BBS9: variants seen among roughly 807,000 people sequenced by gnomAD.
BBS9 encodes the protein Bardet-Biedl syndrome 9.
BBS9 carries 89 observed loss-of-function variants against 117.7 expected under a neutral mutation model. The ratio of observed to expected loss-of-function variants is 0.76; its 90% CI spans 0.64 to 0.90. The LOEUF (loss-of-function observed/expected upper bound fraction) is 0.90, where lower values mean the gene tolerates loss of function less well. Ranked by LOEUF, BBS9 falls within the 40% of genes least tolerant of loss-of-function variation. The pLI is 0.00. For missense variants in BBS9, 982 were observed against 1,042.2 expected (o/e 0.94, Z 0.80); for synonymous variants, 379 against 370.9 (o/e 1.02, Z -0.25).
chr7:33,531,638 C>T (rs1194132039), intron 20 of BBS9, among the ~76,000 whole-genome samples: 1 of 152,126 alleles, frequency 6.6e-6, no homozygotes, highest in Non-Finnish European at 1.5e-5. Context: ...GGAGAGGGTA[C>T]AGAATTGCTG....
At chr7:33,524,115 G>C (rs1286113078) in intron 20 of BBS9, among the ~76,000 whole-genome samples, 3 of 127,636 alleles carry the variant, frequency 2.4e-5, no homozygotes, top group Non-Finnish European at 3.3e-5. Context: ...GATCATGGTG[G>C]ATAAGCTTTT....
chr7:33,177,336 A>G, intron 4 of BBS9, 142 bp from the exon 5 acceptor site: 1 of 659,856 alleles, frequency 1.5e-6, no homozygotes, highest in East Asian at 2.8e-5. Flanking sequence ...TCAGTATGCT[A>G]ATTTTTCACA....
At chr7:33,505,677 C>A (rs768490083) in intron 20 of BBS9, 32 bp downstream of exon 20, 3 of 1,608,366 alleles carry the variant, frequency 1.9e-6, no homozygotes, top group East Asian at 4.5e-5. Context: ...GTGGGAACAG[C>A]CAGCATTATT....
intron 21 of BBS9, among the ~76,000 whole-genome samples, chr7:33,634,115 C>T (rs1319984586): frequency 2.0e-5 from 3 of 152,226 alleles, no homozygotes; most frequent in Non-Finnish European, 4.4e-5. Context: ...GCCCGTCTCC[C>T]ATGGAGATCC....
intron 19 of BBS9, among the ~76,000 whole-genome samples, chr7:33,427,431 G>T (rs1297287375): frequency 6.6e-6 from 1 of 152,148 alleles, no homozygotes; most frequent in Admixed American, 6.5e-5. Context: ...AAACAGTCTG[G>T]ACTATTGACT....
At chr7:33,590,152 T>C (rs1336317979) in intron 21 of BBS9, among the ~76,000 whole-genome samples, 1 of 152,058 alleles carries the variant, frequency 6.6e-6, no homozygotes, top group Non-Finnish European at 1.5e-5. Context: ...GTGAAGATCA[T>C]TGTGATCTTG....
intron 5 of BBS9, among the ~76,000 whole-genome samples, chr7:33,178,983 C>A (rs774974155): frequency 5.3e-5 from 8 of 152,068 alleles, no homozygotes; most frequent in Non-Finnish European, 7.4e-5. Flanking sequence ...AAGGAGATAT[C>A]TAGAGTTAGA....
intron 21 of BBS9, among the ~76,000 whole-genome samples, chr7:33,621,595 C>T (rs1865409285): frequency 6.6e-6 from 1 of 152,080 alleles, no homozygotes; most frequent in African/African-American, 2.4e-5. Context: ...TAAATTAGTG[C>T]AGCCATTAGT....
rs184974517 is a variant in BBS9, at chr7:33,194,740, C to T, written c.442+17149C>T. On this transcript the variant is annotated intron_variant, in intron 5 of 22. Transcript: ENST00000242067. ...GGTCAGATCATTCTTTTCTTGTACA[C>T]TTTATTTCTTCTAAGCTTAGAAACT... Among the ~76,000 whole-genome samples, 3 of 152,264 alleles carry T rather than the reference C, an allele frequency of 2.0e-5. No homozygotes were observed. In the East Asian group the frequency reaches 5.8e-4, roughly 29 times the overall value.
intron 4 of BBS9, among the ~76,000 whole-genome samples, chr7:33,174,613 T>C (rs1330995747): frequency 6.6e-6 from 1 of 152,226 alleles, no homozygotes; most frequent in Non-Finnish European, 1.5e-5. Context: ...ACTCGATGAT[T>C]GGCACAAGGG....
At chr7:33,354,375 C>T (rs1218429562) in intron 15 of BBS9, among the ~76,000 whole-genome samples, 1 of 152,028 alleles carries the variant, frequency 6.6e-6, no homozygotes, top group Non-Finnish European at 1.5e-5. Flanking sequence ...GAGAGGCAAA[C>T]GAGGTTTTAT....
chr7:33,165,257 T>A (rs1384995893), intron 4 of BBS9, among the ~76,000 whole-genome samples: 1 of 152,220 alleles, frequency 6.6e-6, no homozygotes, highest in Non-Finnish European at 1.5e-5. Context: ...TGGCTGCCCT[T>A]AACATTTTTT....
chr7:33,180,210 C>T (rs1481528269), intron 5 of BBS9, among the ~76,000 whole-genome samples: 1 of 152,296 alleles, frequency 6.6e-6, no homozygotes, highest in African/African-American at 2.4e-5. Context: ...ACTGTGTGGT[C>T]CAACCCTAGC....
intron 19 of BBS9, among the ~76,000 whole-genome samples, chr7:33,495,093 A>G (rs1387345701): frequency 1.3e-5 from 2 of 152,244 alleles, no homozygotes; most frequent in African/African-American, 2.4e-5. Context: ...AAAAAACTAG[A>G]TGTTTTAAAA....
At chr7:33,174,404 A>G (rs1797030605) in intron 4 of BBS9, among the ~76,000 whole-genome samples, 1 of 152,200 alleles carries the variant, frequency 6.6e-6, no homozygotes, top group Admixed American at 6.5e-5. Flanking sequence ...ACAAAGAACA[A>G]TTTGTGAGTT....
chr7:33,575,339 C>G (rs1361454920), intron 21 of BBS9, among the ~76,000 whole-genome samples: 1 of 151,984 alleles, frequency 6.6e-6, no homozygotes, highest in African/African-American at 2.4e-5. Context: ...ACACATACAC[C>G]CTCCCAAGAC....
rs982653506 is a variant in BBS9, at chr7:33,182,845, C to T, written c.442+5254C>T. Among the ~76,000 whole-genome samples, 10 of 152,142 alleles carry T rather than the reference C, an allele frequency of 6.6e-5. No homozygotes were observed. The East Asian group carries it at 1.2e-3, about 18-fold the overall frequency. On this transcript the variant is annotated intron_variant, in intron 5 of 22. Transcript: ENST00000242067. The stretch of plus-strand genomic sequence containing the variant: ...TTAATAAACAGGTATAGGTGGAAGG[C>T]GAAACAGATCCCCCAAAATTAAGGG...
chr7:33,379,956 G>A (rs1321091522), intron 17 of BBS9: 2 of 152,390 alleles, frequency 1.3e-5, no homozygotes, highest in African/African-American at 2.4e-5. Context: ...ATCTCCATAG[G>A]AATTCACAAG....
intron 9 of BBS9, among the ~76,000 whole-genome samples, chr7:33,327,553 G>A (rs971775341): frequency 3.9e-5 from 6 of 152,064 alleles, no homozygotes; most frequent in Non-Finnish European, 8.8e-5. Flanking sequence ...AAAAAAATTA[G>A]CTTGGTATGT....
Sources: allele counts gnomAD v4.1 joint callset (sites outside exome capture counted in the v4.1 genomes callset), GRCh38; gene constraint gnomAD v4.1.1; transcripts MANE v1.5; gene names NCBI Gene and HGNC (gene_info 2026-07-23, HGNC 2026-07-21).